RFTN1: variants seen among roughly 807,000 people sequenced by gnomAD.
RFTN1 encodes raftlin.
A neutral mutation model predicts 46.5 loss-of-function variants in RFTN1; 26 were observed. The observed-to-expected ratio is 0.56, with a 90% CI of 0.41 to 0.78. The LOEUF (loss-of-function observed/expected upper bound fraction) is 0.78. Ranked by LOEUF, RFTN1 falls within the 30% of genes least tolerant of loss-of-function variation. The probability of loss-of-function intolerance (pLI) is 0.00; values close to 1 mark genes in which losing one functional copy is unlikely to be tolerated. For missense variants in RFTN1, 693 were observed against 718.7 expected, an observed-to-expected ratio of 0.96 and a Z score of 0.41; for synonymous variants, 261 against 284.2, an observed-to-expected ratio of 0.92 and a Z score of 0.82.
At chr3:16,366,628 C>T (rs1280655785) in intron 6 of RFTN1, among the ~76,000 whole-genome samples, 1 of 152,236 alleles carries the variant, frequency 6.6e-6, no homozygotes, top group Non-Finnish European at 1.5e-5. Flanking sequence ...CCCCTTCTTT[C>T]TTCCTGCCAC....
rs184941315 is a variant in RFTN1, at chr3:16,396,719, T to A, written c.441+12656A>T. On this transcript the variant is annotated intron_variant, in intron 4 of 9. Transcript: ENST00000334133. ...AATGCAATAAAGTACTAGATTCATT[T>A]GAATCTATGGCAATTTTGTACTTTT... is the stretch of plus-strand genomic sequence containing the variant. 9.8e-5 allele frequency among the ~76,000 whole-genome samples: 15 copies of A among 152,314 alleles called. No homozygotes were observed. The East Asian group carries it at 2.7e-3, about 27-fold the overall frequency.
Position 16,483,475 on chromosome 3 carries a change from G to A in RFTN1, c.145+10250C>T, listed in dbSNP as rs1362448180. ...GTTCTGTAGTGTCAACTGTAGGTGG[G>A]GTGGGGACACAGAACCAAACCACAA... On this transcript the variant is annotated intron_variant, in intron 2 of 9. Coordinates refer to ENST00000334133, the MANE Select transcript of RFTN1 (RefSeq NM_015150.2). The surrounding 1 kb of genome is among the most constrained non-coding windows in gnomAD (Gnocchi z 4.8). Among the ~76,000 whole-genome samples the A allele has an allele frequency of 6.6e-6, 1 of 152,108 alleles. No individual in the cohort carries two copies. Among genetic ancestry groups the A allele is most frequent in the African/African-American group, 2.4e-5 (1 of 41,414 alleles).
rs374067478 is a variant in RFTN1 at position 16,317,281 on chromosome 3, G to C, written c.1333-49C>G. ...TAAATAACAAGCCTCCGGGAACCCA[G>C]AGCTTCACCCAAAGCCTTGTTTGCA... On this transcript the variant is annotated intron_variant, in intron 9 of 9. Coordinates refer to ENST00000334133, the MANE Select transcript of RFTN1 (RefSeq NM_015150.2). This position sits in a 1 kb window ranked among gnomAD's most constrained non-coding sequence, Gnocchi z 4.3. 6.9e-6 allele frequency: 11 copies of C among 1,588,278 alleles called. No homozygotes were observed. Among genetic ancestry groups the C allele is most frequent in the Non-Finnish European group, 9.4e-6 (11 of 1,170,152 alleles).
intron 4 of RFTN1, among the ~76,000 whole-genome samples, chr3:16,393,079 AAAT>A (rs202067005): frequency 0.64 from 96,441 of 151,542 alleles, 32,121 homozygotes; most frequent in African/African-American, 0.85. Context: ...AACAAACAAA[AAAT>A]GACAAGAAAC....
chr3:16,490,674 G>A (rs908728657), intron 2 of RFTN1, among the ~76,000 whole-genome samples: 1 of 152,216 alleles, frequency 6.6e-6, no homozygotes, highest in East Asian at 1.9e-4. Context: ...AGTCAGAAAT[G>A]TGTACAAAGA....
Position 16,479,009 on chromosome 3 carries a change from C to A in RFTN1, c.145+14716G>T, listed in dbSNP as rs1414989403. ...AAGCAATTCACTAGGTACACAAGGC[C>A]GTGGATACCAGTAGGCAGGGGTCAC... On this transcript the variant is annotated intron_variant, in intron 2 of 9. Transcript: ENST00000334133. The surrounding 1 kb of genome is among the most constrained non-coding windows in gnomAD (Gnocchi z 5.1). 6.6e-6 allele frequency among the ~76,000 whole-genome samples: 1 copy of A among 152,158 alleles called. No homozygotes were observed. The highest frequency in any genetic ancestry group is 2.4e-5 in the African/African-American group (1 of 41,424).
intron 4 of RFTN1, among the ~76,000 whole-genome samples, chr3:16,386,841 A>G (rs1036039270): frequency 6.6e-6 from 1 of 152,238 alleles, no homozygotes; most frequent in Non-Finnish European, 1.5e-5. Flanking sequence ...GGGAAAGGTC[A>G]TAAGAGCCTA....
At chr3:16,406,878 TTATC>T (rs1268523754) in intron 4 of RFTN1, among the ~76,000 whole-genome samples, 4 of 152,290 alleles carry the variant, frequency 2.6e-5, no homozygotes, top group African/African-American at 9.6e-5. Flanking sequence ...ACTTCATAAA[TTATC>T]TAATGAATCA....
chr3:16,430,288 T>G (rs2075361060), intron 3 of RFTN1, among the ~76,000 whole-genome samples: 1 of 152,122 alleles, frequency 6.6e-6, no homozygotes, highest in African/African-American at 2.4e-5. Context: ...TTTTTAAAAT[T>G]TTTAGTAGCT....
At chr3:16,404,987 G>T (rs1349302444) in intron 4 of RFTN1, among the ~76,000 whole-genome samples, 1 of 152,128 alleles carries the variant, frequency 6.6e-6, no homozygotes, top group Non-Finnish European at 1.5e-5. Context: ...AGAAGTACAT[G>T]CCAGAAAACG....
intron 2 of RFTN1, chr3:16,482,814 G>T: frequency 1.3e-6 from 2 of 1,536,114 alleles, no homozygotes; most frequent in Non-Finnish European, 1.7e-6. Flanking sequence ...AGGCCAGGGA[G>T]GGCGCAGGGG....
At chr3:16,398,269 A>G (rs1219460122) in intron 4 of RFTN1, among the ~76,000 whole-genome samples, 11 of 126,732 alleles carry the variant, frequency 8.7e-5, no homozygotes, top group Admixed American at 8.5e-4. Flanking sequence ...AAAAAAAAAA[A>G]AAAAGAAGCA....
At position 16,384,326 on chromosome 3, in the gene RFTN1, T is replaced by C. The variant is rs1241883218; in HGVS notation, c.442-6224A>G. On this transcript the variant is annotated intron_variant, in intron 4 of 9. Transcript: ENST00000334133. The surrounding 1 kb of genome is among the most constrained non-coding windows in gnomAD (Gnocchi z 4.7). ...CACCAGGAGGTAGGGGAAAATAAGA[T>C]AGCACAGGGCAAGTTGATGGAGGTC... 1.3e-5 allele frequency among the ~76,000 whole-genome samples: 2 copies of C among 152,228 alleles called. No homozygotes were observed. Among genetic ancestry groups the C allele is most frequent in the African/African-American group, 2.4e-5 (1 of 41,452 alleles).
chr3:16,425,927 A>C lies in RFTN1; in HGVS notation c.332+7924T>G, dbSNP rs912166760. Among the ~76,000 whole-genome samples the C allele has an allele frequency of 6.6e-6, 1 of 152,178 alleles. No individual in the cohort carries two copies. The highest frequency in any genetic ancestry group is 1.5e-5 in the Non-Finnish European group (1 of 68,022). Reference sequence around the variant, plus strand: ...GGAAGCTAGAGAAAACTGATGAGGAAAGATACCACACCAGAAACGAGGGGC... The same window carrying C: ...GGAAGCTAGAGAAAACTGATGAGGACAGATACCACACCAGAAACGAGGGGC... On this transcript the variant is annotated intron_variant, in intron 3 of 9. Coordinates refer to ENST00000334133, the MANE Select transcript of RFTN1 (RefSeq NM_015150.2). This position sits in a 1 kb window ranked among gnomAD's most constrained non-coding sequence, Gnocchi z 4.3.
chr3:16,453,033 GT>G (rs1444269892), intron 2 of RFTN1, among the ~76,000 whole-genome samples: 1 of 152,146 alleles, frequency 6.6e-6, no homozygotes, highest in Non-Finnish European at 1.5e-5. Flanking sequence ...GACATATATT[GT>G]CCACCAGACA....
At chr3:16,505,665 A>G (rs2076792222) in intron 1 of RFTN1, among the ~76,000 whole-genome samples, 1 of 152,172 alleles carries the variant, frequency 6.6e-6, no homozygotes, top group South Asian at 2.1e-4. Flanking sequence ...AACTGAATGG[A>G]TGAGGTCCAC....
At chr3:16,434,497 G>A (rs1254509757) in intron 2 of RFTN1, among the ~76,000 whole-genome samples, 1 of 152,218 alleles carries the variant, frequency 6.6e-6, no homozygotes, top group African/African-American at 2.4e-5. Context: ...GAGGTTTGCA[G>A]TGAGCCATGA....
At chr3:16,477,426 T>C (rs549795546) in intron 2 of RFTN1, among the ~76,000 whole-genome samples, 1 of 152,336 alleles carries the variant, frequency 6.6e-6, no homozygotes, top group African/African-American at 2.4e-5. Flanking sequence ...GGAGAGCTAG[T>C]ATCATTTAAA....
At chr3:16,511,596 AT>A (rs1407970427) in intron 1 of RFTN1, among the ~76,000 whole-genome samples, 1 of 152,120 alleles carries the variant, frequency 6.6e-6, no homozygotes, top group Non-Finnish European at 1.5e-5. Context: ...CAAGTTAGAA[AT>A]TTGGCAAAGC....
Sources: allele counts gnomAD v4.1 joint callset (sites outside exome capture counted in the v4.1 genomes callset), GRCh38; gene constraint gnomAD v4.1.1; non-coding constraint Gnocchi (gnomAD v3.1); transcripts MANE v1.5; gene names NCBI Gene and HGNC (gene_info 2026-07-23, HGNC 2026-07-21).